The following QKI variants were observed in gnomAD, a reference collection of about 807,000 sequenced individuals.
The protein encoded by QKI is QKI, KH domain containing RNA binding.
Under a neutral mutation model 39.0 loss-of-function variants are expected in QKI, and 10 were observed. The observed-to-expected ratio is 0.26, with a 90% CI of 0.16 to 0.43. The LOEUF (loss-of-function observed/expected upper bound fraction) is 0.43, where lower values mean the gene tolerates loss of function less well. QKI is among the 20% of genes least tolerant of loss of function. QKI has a pLI of 1.00. For synonymous variants in QKI, 204 were observed against 155.4 expected (o/e 1.31, Z -2.33); for missense variants, 218 against 428.0 (o/e 0.51, Z 4.33).
intron 1 of QKI, among the ~76,000 whole-genome samples, chr6:163,427,194 A>G (rs944045728): frequency 7.4e-6 from 1 of 135,260 alleles, no homozygotes; most frequent in South Asian, 2.3e-4. Context: ...ATTCATTTTT[A>G]TATTTTCAAT....
chr6:163,492,739 T>G (rs1239880019), intron 3 of QKI, among the ~76,000 whole-genome samples: 1 of 152,182 alleles, frequency 6.6e-6, no homozygotes, highest in Non-Finnish European at 1.5e-5. Context: ...ATAATTTGTG[T>G]TATCTCAGTA....
At chr6:163,551,170 G>C (rs938001946) in intron 4 of QKI, among the ~76,000 whole-genome samples, 10 of 152,148 alleles carry the variant, frequency 6.6e-5, no homozygotes, top group African/African-American at 2.4e-4. Flanking sequence ...ACAACACCGA[G>C]TGCTTCTGTG....
intron 3 of QKI, among the ~76,000 whole-genome samples, chr6:163,524,715 C>T (rs553038208): frequency 6.6e-6 from 1 of 152,272 alleles, no homozygotes; most frequent in South Asian, 2.1e-4. Flanking sequence ...GATCTACCTG[C>T]CCCGGCCTCC....
At chr6:163,419,338 CCTTGA>C (rs1468755558) in intron 1 of QKI, among the ~76,000 whole-genome samples, 1 of 151,724 alleles carries the variant, frequency 6.6e-6, no homozygotes, top group African/African-American at 2.4e-5. Context: ...TTTACAAAAG[CCTTGA>C]CTTAAGAATT....
chr6:163,428,070 C>G (rs1444085157), intron 1 of QKI, among the ~76,000 whole-genome samples: 1 of 152,048 alleles, frequency 6.6e-6, no homozygotes, highest in Non-Finnish European at 1.5e-5. Flanking sequence ...GAGAAATAAC[C>G]CTTTTGCCAG....
intron 4 of QKI, among the ~76,000 whole-genome samples, chr6:163,536,899 C>A (rs1379451534): frequency 1.3e-5 from 2 of 152,170 alleles, no homozygotes; most frequent in African/African-American, 2.4e-5. Context: ...TAACTGTCTT[C>A]ATTTTCTCAT....
intron 3 of QKI, among the ~76,000 whole-genome samples, chr6:163,509,594 G>A (rs1327391535): frequency 6.6e-6 from 1 of 152,050 alleles, no homozygotes; most frequent in East Asian, 1.9e-4. Context: ...TTGATTGTAA[G>A]TAGGCCTTGA....
At chr6:163,570,193 T>C in intron 7 of QKI, 1 of 984,876 alleles carries the variant, frequency 1.0e-6, no homozygotes, top group Non-Finnish European at 1.2e-6. Context: ...TCATAGAATT[T>C]TGAATTTCTT....
Position 163,574,334 on chromosome 6 carries a change from C to G in QKI, c.*3624C>G, listed in dbSNP as rs930511878. On this transcript the variant is annotated 3_prime_UTR_variant, in exon 8 of 8. Coordinates refer to ENST00000361752, the MANE Select transcript of QKI (RefSeq NM_006775.3). ...ATTTAGATTTTTGTTTTAACTTGAC[C>G]TTTTTCCTTTGGAAAGCGTTGAACT... is the stretch of plus-strand genomic sequence containing the variant. The G allele has an allele frequency of 2.6e-5, 4 of 152,108 alleles. No homozygotes were observed. The highest frequency in any genetic ancestry group is 9.7e-5 in the African/African-American group (4 of 41,428). The allele number at this position is 152,108 out of a possible 1,614,324, so 9.4% of individuals were successfully genotyped here. A position where few individuals can be genotyped will look rare whatever the true frequency, so the allele number is the denominator to read the frequency against.
At chr6:163,485,871 T>A (rs1007539011) in intron 3 of QKI, among the ~76,000 whole-genome samples, 2 of 152,222 alleles carry the variant, frequency 1.3e-5, no homozygotes, top group Non-Finnish European at 2.9e-5. Flanking sequence ...TGGACCACAT[T>A]GGAAGATGAC....
intron 1 of QKI, among the ~76,000 whole-genome samples, chr6:163,431,353 G>T (rs1788815201): frequency 6.6e-6 from 1 of 152,068 alleles, no homozygotes; most frequent in Non-Finnish European, 1.5e-5. Context: ...AAATTAAGAT[G>T]TGCTGTTTTT....
intron 3 of QKI, among the ~76,000 whole-genome samples, chr6:163,498,313 T>C (rs962689313): frequency 2.0e-5 from 3 of 152,162 alleles, no homozygotes; most frequent in African/African-American, 7.2e-5. Context: ...AAAGAAAGTT[T>C]TATTGGACAA....
chr6:163,565,154 C>T (rs1395642567), intron 6 of QKI: 1 of 993,472 alleles, frequency 1.0e-6, no homozygotes, highest in East Asian at 1.1e-4. Flanking sequence ...TTATGAGAGG[C>T]TTGTGTCTGT....
rs1187429630 is a variant in QKI, at chr6:163,487,455, T to C, written c.402+8559T>C. 3.3e-5 allele frequency among the ~76,000 whole-genome samples: 5 copies of C among 152,130 alleles called. No homozygotes were observed. In the East Asian group the frequency reaches 7.7e-4, roughly 23 times the overall value. On this transcript the variant is annotated intron_variant, in intron 3 of 7. Coordinates refer to ENST00000361752, the MANE Select transcript of QKI (RefSeq NM_006775.3). ...GTTTGTGTTTTAATATCTAGAAAAT[T>C]ATTTATCCTCAAATATGTTGTCAGT...
At chr6:163,418,315 G>A (rs1787706435) in intron 1 of QKI, among the ~76,000 whole-genome samples, 1 of 152,024 alleles carries the variant, frequency 6.6e-6, no homozygotes, top group Non-Finnish European at 1.5e-5. Context: ...GTCAGCCTAA[G>A]AATTTCCATT....
intron 4 of QKI, among the ~76,000 whole-genome samples, chr6:163,545,381 T>A (rs1030923445): frequency 2.6e-5 from 4 of 152,120 alleles, no homozygotes; most frequent in Admixed American, 1.3e-4. Flanking sequence ...TTGATTCGGG[T>A]GACATTCCAT....
chr6:163,555,840 T>A (rs915623333), intron 4 of QKI, among the ~76,000 whole-genome samples: 30 of 152,292 alleles, frequency 2.0e-4, no homozygotes, highest in African/African-American at 5.3e-4. Flanking sequence ...AGTTTTTTTT[T>A]AAAAGTATAT....
rs564369934 is a variant in QKI at position 163,453,628 on chromosome 6, CATT to C, written c.143-1646_143-1644del. Among the ~76,000 whole-genome samples, 10 of 152,166 alleles carry C rather than the reference CATT, an allele frequency of 6.6e-5. 2 individuals are homozygous for C. The South Asian group carries it at 2.1e-3, about 32-fold the overall frequency. On this transcript the variant is annotated intron_variant, in intron 1 of 7. Transcript: ENST00000361752. ...AGATAAACACCAAGTTGATACTGGACATTATTAGGAAAGATTTAATTATGAAGC... is the reference window on the plus strand; with the variant it reads ...AGATAAACACCAAGTTGATACTGGACATTAGGAAAGATTTAATTATGAAGC...
At chr6:163,442,719 G>GA (rs1479693051) in intron 1 of QKI, among the ~76,000 whole-genome samples, 1 of 152,148 alleles carries the variant, frequency 6.6e-6, no homozygotes, top group Non-Finnish European at 1.5e-5. Context: ...TTTTGGGGAA[G>GA]GCTTAGGAGT....
Sources: allele counts gnomAD v4.1 joint callset (sites outside exome capture counted in the v4.1 genomes callset), GRCh38; gene constraint gnomAD v4.1.1; transcripts MANE v1.5; gene names NCBI Gene and HGNC (gene_info 2026-07-23, HGNC 2026-07-21).